The following PLAC1 variants were observed in gnomAD, a reference collection of about 807,000 sequenced individuals.
PLAC1 encodes placenta associated 1, also known as placenta-specific protein 1.
For missense variants in PLAC1, 136 were observed against 163.2 expected, an observed-to-expected ratio of 0.83 and a Z score of 0.91; for synonymous variants, 68 against 62.1, an observed-to-expected ratio of 1.09 and a Z score of -0.44.
chrX:134,575,721 A>G (rs756019224), intron 2 of PLAC1, among the ~76,000 whole-genome samples: 1 of 104,382 alleles, frequency 9.6e-6, no homozygotes, highest in Admixed American at 1.1e-4. Context: ...GTGAGCTGAG[A>G]TGGCGCCACT....
In PLAC1 at chrX:134,566,360, T is replaced by G; in HGVS notation, c.323A>C (p.Lys108Thr). 3 of 1,211,520 alleles carry G rather than the reference T, an allele frequency of 2.5e-6. No homozygotes were observed. Among genetic ancestry groups the G allele is most frequent in the Non-Finnish European group, 3.4e-6 (3 of 895,328 alleles). Residue 108 changes from lysine to threonine, a missense_variant, in exon 3 of 3, where the codon AAG becomes ACG. Coordinates refer to ENST00000359237, the MANE Select transcript of PLAC1 (RefSeq NM_021796.4). ...AGCACATGACACTGGGATCACAAAC[T>G]TAGATGGCGTGCCCTTAGAAGAGTA... ...IHYSSKGTPSKFVIPVSCAAP... is the reference protein window; with the variant it reads ...IHYSSKGTPSTFVIPVSCAAP...
At chrX:134,734,750 G>A (rs1342272238) in intron 1 of PLAC1, among the ~76,000 whole-genome samples, 1 of 111,266 alleles carries the variant, frequency 9.0e-6, no homozygotes, top group African/African-American at 3.3e-5. Flanking sequence ...AAATCAGGGT[G>A]GGGAACCTCT....
chrX:134,676,859 G>A (rs1349754732), intron 2 of PLAC1, among the ~76,000 whole-genome samples: 3 of 111,810 alleles, frequency 2.7e-5, no homozygotes, highest in African/African-American at 6.5e-5. Context: ...GACTGGGTTT[G>A]AATTCTGACT....
intron 2 of PLAC1, among the ~76,000 whole-genome samples, chrX:134,580,039 G>C (rs1213462146): frequency 8.9e-6 from 1 of 112,317 alleles, no homozygotes; most frequent in Non-Finnish European, 1.9e-5. Context: ...CTTGGGAGTA[G>C]AAGAACAGAA....
intron 1 of PLAC1, among the ~76,000 whole-genome samples, chrX:134,618,992 C>T (rs1379761532): frequency 1.8e-5 from 2 of 112,189 alleles, no homozygotes; most frequent in Admixed American, 9.5e-5. Flanking sequence ...CCTGCAAATA[C>T]GACAGAGAAA....
chrX:134,663,239 T>C (rs186294786), upstream of PLAC1, among the ~76,000 whole-genome samples: 1 of 112,961 alleles, frequency 8.9e-6, no homozygotes, highest in Non-Finnish European at 1.9e-5. Flanking sequence ...TAAACCAATG[T>C]ATCAACCAAT....
chrX:134,704,125 G>A, intron 2 of PLAC1, among the ~76,000 whole-genome samples: 1 of 107,099 alleles, frequency 9.3e-6, no homozygotes. Flanking sequence ...TTCAGAAGAA[G>A]GCAGGGGAAA....
intron 2 of PLAC1, among the ~76,000 whole-genome samples, 193 bp from the exon 3 acceptor site, chrX:134,566,933 T>A (rs2077879982): frequency 8.9e-6 from 1 of 112,551 alleles, no homozygotes; most frequent in Non-Finnish European, 1.9e-5. Flanking sequence ...CTTTTTAAAG[T>A]GACTTTCCCA....
At chrX:134,661,152 G>A (rs983299997), upstream of PLAC1, among the ~76,000 whole-genome samples, 2 of 111,321 alleles carry the variant, frequency 1.8e-5, no homozygotes, top group Admixed American at 1.9e-4. Context: ...CTCTTCCTTG[G>A]CATGGCTTTC....
At chrX:134,647,197 T>C (rs2078337876) in intron 1 of PLAC1, among the ~76,000 whole-genome samples, 1 of 111,585 alleles carries the variant, frequency 9.0e-6, no homozygotes, top group South Asian at 3.8e-4. Context: ...CTGGCTATCC[T>C]ATCTACATTT....
At chrX:134,674,336 G>C (rs1344053850) in intron 2 of PLAC1, among the ~76,000 whole-genome samples, 1 of 112,414 alleles carries the variant, frequency 8.9e-6, no homozygotes, top group Non-Finnish European at 1.9e-5. Flanking sequence ...GACCTGTGGA[G>C]ACACTCTTAA....
chrX:134,706,576 G>A (rs1279231083), intron 2 of PLAC1, among the ~76,000 whole-genome samples: 8 of 112,139 alleles, frequency 7.1e-5, no homozygotes, highest in Non-Finnish European at 1.5e-4. Context: ...AATGAGAAAA[G>A]ACATTCAACA....
chrX:134,652,970 G>A (rs145236008), intron 1 of PLAC1, among the ~76,000 whole-genome samples: 3 of 112,018 alleles, frequency 2.7e-5, no homozygotes, highest in East Asian at 5.6e-4. Context: ...GCATAACAGC[G>A]CAGGTGGAAG....
chrX:134,640,007 T>C (rs772322519), intron 1 of PLAC1, among the ~76,000 whole-genome samples: 1 of 112,215 alleles, frequency 8.9e-6, no homozygotes, highest in Non-Finnish European at 1.9e-5. Context: ...TTTCACCTTT[T>C]GGCTATTGTG....
At chrX:134,659,712 T>A (rs2078408524), upstream of PLAC1, among the ~76,000 whole-genome samples, 1 of 112,551 alleles carries the variant, frequency 8.9e-6, no homozygotes, top group Non-Finnish European at 1.9e-5. Context: ...TGGCTTATAT[T>A]ATTTAGGTTG....
At chrX:134,733,985 G>A (rs2078696135) in intron 1 of PLAC1, among the ~76,000 whole-genome samples, 1 of 111,804 alleles carries the variant, frequency 8.9e-6, no homozygotes, top group Admixed American at 9.5e-5. Flanking sequence ...TAAATCTCTT[G>A]TCTTCAAAGA....
chrX:134,594,022 A>G (rs1251047712), intron 2 of PLAC1, among the ~76,000 whole-genome samples: 6 of 111,268 alleles, frequency 5.4e-5, no homozygotes, highest in African/African-American at 2.0e-4. Flanking sequence ...CCATTAAGTA[A>G]AATGTTAGTT....
chrX:134,657,194 T>C (rs1192910790), intron 1 of PLAC1, among the ~76,000 whole-genome samples: 3 of 112,575 alleles, frequency 2.7e-5, no homozygotes, highest in African/African-American at 9.7e-5. Context: ...GCACCAATTA[T>C]GTATCCAGCA....
At chrX:134,703,612 C>A (rs1338647849) in intron 2 of PLAC1, among the ~76,000 whole-genome samples, 2 of 110,663 alleles carry the variant, frequency 1.8e-5, no homozygotes, top group African/African-American at 6.6e-5. Flanking sequence ...GAGCAAAAAA[C>A]TTGGTAAACA....
Sources: allele counts gnomAD v4.1 joint callset (sites outside exome capture counted in the v4.1 genomes callset), GRCh38; gene constraint gnomAD v4.1.1; transcripts MANE v1.5; gene names NCBI Gene and HGNC (gene_info 2026-07-23, HGNC 2026-07-21).